PARD3B: variants seen among roughly 807,000 people sequenced by gnomAD.
The protein encoded by PARD3B is partitioning defective 3 homolog B.
PARD3B carries 103 observed loss-of-function variants against 130.2 expected under a neutral mutation model. That is an observed-to-expected ratio of 0.79 (90% CI 0.67 to 0.93). The LOEUF (loss-of-function observed/expected upper bound fraction) is 0.93. Among genes scored for constraint, PARD3B ranks in the 40% least tolerant of loss-of-function variants. The probability of loss-of-function intolerance (pLI) is 0.00; values close to 1 mark genes in which losing one functional copy is unlikely to be tolerated. For missense variants in PARD3B, 1,609 were observed against 1,499.2 expected (o/e 1.07, Z -1.21); for synonymous variants, 583 against 553.2 (o/e 1.05, Z -0.76).
rs2105809656 is a variant in PARD3B, at chr2:205,274,218, T to A, written c.2186-26312T>A. Among the ~76,000 whole-genome samples the A allele has an allele frequency of 6.6e-6, 1 of 152,310 alleles. No individual in the cohort carries two copies. Among genetic ancestry groups the A allele is most frequent in the South Asian group, 2.1e-4 (1 of 4,820 alleles). On this transcript the variant is annotated intron_variant, in intron 16 of 22. Transcript: ENST00000406610. The surrounding 1 kb of genome is among the most constrained non-coding windows in gnomAD (Gnocchi z 4.2). ...TAACCTCTGAAGAGAATTTAGTACCTATATTCTTTCTACTCTTTATTTCTT... is the reference window on the plus strand; with the variant it reads ...TAACCTCTGAAGAGAATTTAGTACCAATATTCTTTCTACTCTTTATTTCTT...
At chr2:205,445,381 G>T (rs1170475289) in intron 20 of PARD3B, among the ~76,000 whole-genome samples, 3 of 152,168 alleles carry the variant, frequency 2.0e-5, no homozygotes, top group African/African-American at 7.2e-5. Context: ...TCACAGTTCT[G>T]CAGGCTGTCC....
At chr2:205,357,739 C>T (rs1404361572) in intron 18 of PARD3B, among the ~76,000 whole-genome samples, 3 of 152,132 alleles carry the variant, frequency 2.0e-5, no homozygotes, top group Admixed American at 2.0e-4. Context: ...AGTATGAGAT[C>T]TGTAGTGGTT....
chr2:205,175,417 G>A (rs991340496), intron 12 of PARD3B, among the ~76,000 whole-genome samples: 1 of 152,186 alleles, frequency 6.6e-6, no homozygotes, highest in African/African-American at 2.4e-5. Context: ...AGGACCTTCA[G>A]CAGCTGAAAA....
At chr2:204,615,452 C>T (rs576322408) in intron 1 of PARD3B, among the ~76,000 whole-genome samples, 6 of 152,282 alleles carry the variant, frequency 3.9e-5, no homozygotes, top group South Asian at 2.1e-4. Flanking sequence ...ATCTTCCAAA[C>T]GCTGACACAT....
At chr2:204,844,811 T>C (rs1432749055) in intron 2 of PARD3B, among the ~76,000 whole-genome samples, 2 of 152,206 alleles carry the variant, frequency 1.3e-5, no homozygotes, top group East Asian at 3.8e-4. Context: ...TTGTACGTTT[T>C]ATTTTATTTG....
intron 3 of PARD3B, among the ~76,000 whole-genome samples, chr2:205,001,706 A>G (rs1694843251): frequency 1.3e-5 from 2 of 152,176 alleles, no homozygotes; most frequent in African/African-American, 2.4e-5. Context: ...GGGAGGCGTA[A>G]TGTGCTCCTC....
At chr2:204,730,911 C>T (rs1364053212) in intron 2 of PARD3B, among the ~76,000 whole-genome samples, 2 of 152,138 alleles carry the variant, frequency 1.3e-5, no homozygotes, top group Non-Finnish European at 2.9e-5. Flanking sequence ...TCTAGACTTC[C>T]TTAGCATAGA....
chr2:204,905,612 T>C (rs2047015777), intron 2 of PARD3B, among the ~76,000 whole-genome samples: 1 of 152,054 alleles, frequency 6.6e-6, no homozygotes, highest in Non-Finnish European at 1.5e-5. Context: ...CTTGAGTTTT[T>C]CCCTCTGGAA....
chr2:204,889,749 C>T (rs73982600), intron 2 of PARD3B, among the ~76,000 whole-genome samples: 2,642 of 152,330 alleles, frequency 0.017, 79 homozygotes, highest in African/African-American at 0.061. Flanking sequence ...TAGTCATTCA[C>T]AGTGTCAAAC....
intron 2 of PARD3B, among the ~76,000 whole-genome samples, chr2:204,710,676 A>G (rs777283394): frequency 6.6e-6 from 1 of 152,166 alleles, no homozygotes; most frequent in South Asian, 2.1e-4. Flanking sequence ...TTGATTCTCA[A>G]TTACTGATTT....
chr2:205,439,117 A>G (rs2047622112), intron 19 of PARD3B, among the ~76,000 whole-genome samples: 1 of 152,200 alleles, frequency 6.6e-6, no homozygotes. Context: ...TGTTTTGCAA[A>G]ATAAAACTAG....
chr2:204,985,945 C>T (rs1023868143), intron 3 of PARD3B, among the ~76,000 whole-genome samples: 1 of 151,658 alleles, frequency 6.6e-6, no homozygotes, highest in Admixed American at 6.6e-5. Context: ...ACTAAAAATA[C>T]AAAAAGTTAG....
rs2046419863 is a variant in PARD3B, at chr2:204,890,847, T to C, written c.223-74305T>C. On this transcript the variant is annotated intron_variant, in intron 2 of 22. Coordinates refer to ENST00000406610, the MANE Select transcript of PARD3B (RefSeq NM_001302769.2). This position sits in a 1 kb window ranked among gnomAD's most constrained non-coding sequence, Gnocchi z 4.9. ...TACAGCATCTTTGCTGTCTGGAGGG[T>C]ATTGTTTTGGATGCGGATGTTGTTT... Among the ~76,000 whole-genome samples the C allele has an allele frequency of 6.6e-6, 1 of 152,096 alleles. No homozygotes were observed. Among genetic ancestry groups the C allele is most frequent in the Non-Finnish European group, 1.5e-5 (1 of 68,006 alleles).
intron 2 of PARD3B, among the ~76,000 whole-genome samples, chr2:204,940,863 G>T (rs1261907841): frequency 6.6e-6 from 1 of 152,054 alleles, no homozygotes; most frequent in Admixed American, 6.5e-5. Context: ...CTGTCAATAA[G>T]ATAGTGTCCT....
intron 20 of PARD3B, among the ~76,000 whole-genome samples, chr2:205,487,897 C>T (rs527613254): frequency 7.2e-5 from 11 of 152,256 alleles, no homozygotes; most frequent in Admixed American, 2.6e-4. Context: ...TGAGTGTGTG[C>T]GTATTAGTGT....
chr2:205,036,607 A>C (rs1261222754), intron 3 of PARD3B, among the ~76,000 whole-genome samples: 1 of 149,412 alleles, frequency 6.7e-6, no homozygotes, highest in East Asian at 1.9e-4. Context: ...TGTATGTACA[A>C]AAAATATATA....
chr2:204,944,815 C>T (rs1449466514), intron 2 of PARD3B, among the ~76,000 whole-genome samples: 2 of 152,200 alleles, frequency 1.3e-5, no homozygotes, highest in African/African-American at 4.8e-5. Flanking sequence ...CTCTTTCTTC[C>T]TCCACCATGG....
At chr2:204,833,691 T>C (rs963505855) in intron 2 of PARD3B, among the ~76,000 whole-genome samples, 10 of 152,220 alleles carry the variant, frequency 6.6e-5, no homozygotes, top group African/African-American at 2.2e-4. Context: ...ATGTAAGACA[T>C]GCCTTTTGCC....
Position 205,530,656 on chromosome 2 carries a change from C to A in PARD3B, c.3181-22668C>A, listed in dbSNP as rs2051550597. Among the ~76,000 whole-genome samples the A allele has an allele frequency of 1.3e-5, 2 of 152,052 alleles. No individual in the cohort carries two copies. Among genetic ancestry groups the A allele is most frequent in the Admixed American group, 1.3e-4 (2 of 15,256 alleles). ...TCAGAGAGGGGCAAAATGTCTCTGG[C>A]GTGTGTGTGGTTAGCAGGGTAAGAG... On this transcript the variant is annotated intron_variant, in intron 21 of 22. Transcript: ENST00000406610. The surrounding 1 kb of genome is among the most constrained non-coding windows in gnomAD (Gnocchi z 4.7).
Sources: gnomAD v4.1 joint callset for allele counts (sites outside exome capture counted in the v4.1 genomes callset) on GRCh38, gnomAD v4.1.1 for gene constraint, Gnocchi (gnomAD v3.1) non-coding constraint, MANE v1.5 for transcripts, NCBI Gene and HGNC (gene_info 2026-07-23, HGNC 2026-07-21) for gene names.